Variants in GABBR2 observed in about 807,000 individuals in gnomAD.
The protein encoded by GABBR2 is G-protein coupled receptor 51.
Under a neutral mutation model 105.6 loss-of-function variants are expected in GABBR2, and 23 were observed. The ratio of observed to expected loss-of-function variants is 0.22; its 90% CI spans 0.16 to 0.31. GABBR2 has a LOEUF of 0.31. Ranked by LOEUF, GABBR2 falls within the 10% of genes least tolerant of loss-of-function variation. The pLI, the probability that GABBR2 is intolerant of heterozygous loss-of-function variation, is 1.00. For missense variants in GABBR2, 734 were observed against 1,245.5 expected, an observed-to-expected ratio of 0.59 and a Z score of 6.18; for synonymous variants, 478 against 499.7, an observed-to-expected ratio of 0.96 and a Z score of 0.58.
intron 1 of GABBR2, among the ~76,000 whole-genome samples, chr9:98,619,202 A>T (rs1302008117): frequency 6.6e-6 from 1 of 152,166 alleles, no homozygotes; most frequent in Non-Finnish European, 1.5e-5. Flanking sequence ...ACCCAAAAGA[A>T]GGTAATAAAA....
chr9:98,575,913 A>T (rs1304036458), intron 2 of GABBR2, among the ~76,000 whole-genome samples: 1 of 152,126 alleles, frequency 6.6e-6, no homozygotes, highest in Non-Finnish European at 1.5e-5. Context: ...TTGCACGCCC[A>T]GTTTCCTCTG....
chr9:98,436,368 T>C (rs868076334), intron 7 of GABBR2, among the ~76,000 whole-genome samples: 3 of 11,996 alleles, frequency 2.5e-4, no homozygotes, highest in African/African-American at 3.0e-4. Flanking sequence ...TATATATATA[T>C]ATATATATAT....
At chr9:98,556,725 CCTGA>C (rs1296011645) in intron 2 of GABBR2, among the ~76,000 whole-genome samples, 3 of 152,132 alleles carry the variant, frequency 2.0e-5, no homozygotes, top group Admixed American at 1.3e-4. Context: ...TAAGTCCTGC[CCTGA>C]CTAACTCTCC....
At chr9:98,703,160 C>A (rs746567702) in intron 1 of GABBR2, among the ~76,000 whole-genome samples, 6 of 152,242 alleles carry the variant, frequency 3.9e-5, no homozygotes, top group Non-Finnish European at 8.8e-5. Flanking sequence ...TGTAAACCTG[C>A]AGCTTCTAGA....
intron 11 of GABBR2, among the ~76,000 whole-genome samples, chr9:98,383,378 C>G (rs182588059): frequency 6.6e-6 from 1 of 152,122 alleles, no homozygotes; most frequent in African/African-American, 2.4e-5. Flanking sequence ...ACCTTCTTCA[C>G]TCCCAGACGG....
At chr9:98,528,790 A>G (rs1344349854) in intron 3 of GABBR2, among the ~76,000 whole-genome samples, 4 of 152,036 alleles carry the variant, frequency 2.6e-5, no homozygotes, top group Admixed American at 2.6e-4. Flanking sequence ...ATAATACACA[A>G]TACTGGCAGG....
chr9:98,471,527 C>G (rs1424108392), intron 6 of GABBR2, among the ~76,000 whole-genome samples: 1 of 152,240 alleles, frequency 6.6e-6, no homozygotes, highest in Non-Finnish European at 1.5e-5. Flanking sequence ...CTGCTCACAG[C>G]CCTGCACACA....
intron 13 of GABBR2, among the ~76,000 whole-genome samples, chr9:98,343,829 G>A (rs910570223): frequency 2.0e-5 from 3 of 152,036 alleles, no homozygotes; most frequent in African/African-American, 7.2e-5. Flanking sequence ...CTGCACTCCA[G>A]CCTGGGTGAC....
chr9:98,332,071 T>C (rs16914943), intron 13 of GABBR2, among the ~76,000 whole-genome samples: 19,847 of 152,158 alleles, frequency 0.13, 1,488 homozygotes, highest in Middle Eastern at 0.21. Flanking sequence ...GCATGGGGTA[T>C]GAAGGAGCCG....
intron 2 of GABBR2, among the ~76,000 whole-genome samples, chr9:98,544,263 C>A (rs558323917): frequency 6.6e-6 from 1 of 152,298 alleles, no homozygotes; most frequent in Non-Finnish European, 1.5e-5. Flanking sequence ...ACCCTAGAAC[C>A]ACGTTCCCCT....
At chr9:98,422,858 G>A (rs918097444) in intron 7 of GABBR2, among the ~76,000 whole-genome samples, 9 of 150,026 alleles carry the variant, frequency 6.0e-5, no homozygotes, top group South Asian at 2.1e-4. Flanking sequence ...GAGAACATGC[G>A]GTGTTTGGTT....
At chr9:98,638,076 C>T (rs563841572) in intron 1 of GABBR2, among the ~76,000 whole-genome samples, 1 of 152,054 alleles carries the variant, frequency 6.6e-6, no homozygotes, top group African/African-American at 2.4e-5. Context: ...AGTGGTAGAG[C>T]CTGGATTCAA....
At chr9:98,630,629 CAA>C (rs1829803444) in intron 1 of GABBR2, among the ~76,000 whole-genome samples, 1 of 151,992 alleles carries the variant, frequency 6.6e-6, no homozygotes. Flanking sequence ...AAAAGAGAAG[CAA>C]AGAGAATTTG....
At chr9:98,396,386 C>T (rs1307758201) in intron 8 of GABBR2, among the ~76,000 whole-genome samples, 2 of 152,230 alleles carry the variant, frequency 1.3e-5, no homozygotes, top group Admixed American at 6.5e-5. Context: ...TGCAGGTGCA[C>T]TGCTGGCCCT....
chr9:98,504,855 A>C (rs1827472996), intron 3 of GABBR2, among the ~76,000 whole-genome samples: 1 of 152,240 alleles, frequency 6.6e-6, no homozygotes, highest in Non-Finnish European at 1.5e-5. Context: ...TGAAACACTC[A>C]AATCTTTGAA....
At chr9:98,439,848 C>T (rs552880058) in intron 7 of GABBR2, among the ~76,000 whole-genome samples, 9 of 152,254 alleles carry the variant, frequency 5.9e-5, no homozygotes, top group Non-Finnish European at 1.3e-4. Flanking sequence ...TCAGCACATA[C>T]TGTGTCCCAG....
intron 9 of GABBR2, among the ~76,000 whole-genome samples, chr9:98,392,871 TC>T (rs1832207160): frequency 6.6e-6 from 1 of 152,010 alleles, no homozygotes; most frequent in Non-Finnish European, 1.5e-5. Context: ...TACCCATTCA[TC>T]CATCCATCCA....
At chr9:98,659,485 TC>T (rs63630164) in intron 1 of GABBR2, among the ~76,000 whole-genome samples, 115,525 of 143,348 alleles carry the variant, frequency 0.81, 46,442 homozygotes, top group Middle Eastern at 0.89. Context: ...TATTTCTTCT[TC>T]TTTTTTTTTT....
intron 1 of GABBR2, among the ~76,000 whole-genome samples, chr9:98,602,373 G>A (rs1829352089): frequency 6.6e-6 from 1 of 151,084 alleles, no homozygotes; most frequent in Admixed American, 6.6e-5. Context: ...TTGGAAGGCT[G>A]AGGCAGGAGA....
Sources: gnomAD v4.1 joint callset for allele counts (sites outside exome capture counted in the v4.1 genomes callset) on GRCh38, gnomAD v4.1.1 for gene constraint, MANE v1.5 for transcripts, NCBI Gene and HGNC (gene_info 2026-07-23, HGNC 2026-07-21) for gene names.